Variants in B4GALT4 observed in about 807,000 individuals in gnomAD.
B4GALT4 encodes the protein beta-1,4-galactosyltransferase 4.
Under a neutral mutation model 37.3 loss-of-function variants are expected in B4GALT4, and 27 were observed. That is an observed-to-expected ratio of 0.72 (90% CI 0.53 to 1.00). B4GALT4 has a LOEUF of 1.00. Ranked by LOEUF, B4GALT4 falls within the 50% of genes least tolerant of loss-of-function variation. B4GALT4 has a pLI of 0.00. For synonymous variants in B4GALT4, 148 were observed against 154.1 expected (o/e 0.96, Z 0.29); for missense variants, 372 against 413.1 (o/e 0.90, Z 0.86).
intron 5 of B4GALT4, among the ~76,000 whole-genome samples, chr3:119,219,438 C>G (rs1183907415): frequency 6.6e-6 from 1 of 152,224 alleles, no homozygotes; most frequent in Non-Finnish European, 1.5e-5. Context: ...AAAGGAAGGA[C>G]AGTGAATCAT....
intron 2 of B4GALT4, among the ~76,000 whole-genome samples, chr3:119,230,910 CAGAA>C (rs762007660): frequency 3.3e-5 from 5 of 152,200 alleles, no homozygotes; most frequent in African/African-American, 7.2e-5. Flanking sequence ...TGGACTTAGA[CAGAA>C]ACTACAGCTC....
At chr3:119,226,600 C>G in intron 4 of B4GALT4, 1 of 569,806 alleles carries the variant, frequency 1.8e-6, no homozygotes. Flanking sequence ...CCTTTAAGGG[C>G]AGTAAAATTT....
rs144343834 is a variant in B4GALT4, at chr3:119,218,194, G to A, written c.797+456C>T. 1.1e-3 allele frequency among the ~76,000 whole-genome samples: 167 copies of A among 152,290 alleles called. 4 individuals carry two copies. In the East Asian group the frequency reaches 0.019, roughly 17 times the overall value. The stretch of plus-strand genomic sequence containing the variant: ...TGCAGGGCTGCCAGGGCTGCCTAAC[G>A]CTTGAGGAGAGGACCTCTTTGCCTG... On this transcript the variant is annotated intron_variant, in intron 6 of 7. Coordinates refer to ENST00000393765, the MANE Select transcript of B4GALT4 (RefSeq NM_003778.4).
chr3:119,214,831 T>C (rs1034901555), intron 7 of B4GALT4: 46 of 152,188 alleles, frequency 3.0e-4, no homozygotes, highest in African/African-American at 1.1e-3. Flanking sequence ...AAATCAAGCA[T>C]CAATGACTGC....
At chr3:119,233,618 C>A (rs2078892988) in intron 2 of B4GALT4, among the ~76,000 whole-genome samples, 1 of 151,816 alleles carries the variant, frequency 6.6e-6, no homozygotes, top group Non-Finnish European at 1.5e-5. Flanking sequence ...TTTAAAAAAA[C>A]AAAAACAAAA....
Position 119,212,641 on chromosome 3 carries a change from C to T in B4GALT4, c.943G>A (p.Asp315Asn). The T allele has an allele frequency of 6.2e-7, 1 of 1,612,502 alleles. No individual in the cohort carries two copies. Among genetic ancestry groups the T allele is most frequent in the Non-Finnish European group, 8.5e-7 (1 of 1,179,424 alleles). Residue 315 changes from aspartate to asparagine, a missense_variant, in exon 8 of 8, where the codon GAT becomes AAT. Asp to Asn is a conservative substitution (Grantham distance 23, BLOSUM62 1). Transcript: ENST00000393765. ...LHQVSRVWRT[D>N]GLSSCSYKLV... ...TTATAAGAACAACTACTCAACCCAT[C>T]TGTTCTCCAGACTCGTGACACTTGG...
rs192991616 is a variant in B4GALT4 at position 119,226,759 on chromosome 3, G to C, written c.486+50C>G. 23 of 1,502,998 alleles carry C rather than the reference G, an allele frequency of 1.5e-5. No homozygotes were observed. The East Asian group carries it at 4.9e-4, about 32-fold the overall frequency. 93.1% of individuals were successfully genotyped at this position (1,502,998 alleles called of 1,614,324 possible). ...ACAAACAGTCACATGGCCAAGTCTG[G>C]CAGAGAAGAGGAGGGTCGAGGGCAG... On this transcript the variant is annotated intron_variant, in intron 4 of 7. Coordinates refer to ENST00000393765, the MANE Select transcript of B4GALT4 (RefSeq NM_003778.4).
chr3:119,231,872 T>C (rs911579881), intron 2 of B4GALT4, among the ~76,000 whole-genome samples: 7 of 148,236 alleles, frequency 4.7e-5, no homozygotes, highest in Non-Finnish European at 1.0e-4. Context: ...TATAAATGTA[T>C]ATATTTTTGT....
Position 119,212,584 on chromosome 3 carries a change from T to G in B4GALT4, c.1000A>C (p.Ile334Leu). ...LVSVEHNPLY[I>L]NITVDFWFGA ...AACCAGAAATCCACTGTGATGTTGA[T>G]ATATAAAGGATTGTGTTCCACAGAT... Residue 334 changes from isoleucine to leucine, a missense_variant, in exon 8 of 8, where the codon ATC becomes CTC. Physicochemically the swap from Ile to Leu is conservative, Grantham distance 5. Transcript: ENST00000393765. The G allele has an allele frequency of 1.2e-6, 2 of 1,610,586 alleles. No homozygotes were observed. The highest frequency in any genetic ancestry group is 1.7e-6 in the Non-Finnish European group (2 of 1,178,998).
intron 7 of B4GALT4, chr3:119,215,061 T>C (rs1048178879): frequency 1.3e-5 from 2 of 152,176 alleles, no homozygotes; most frequent in South Asian, 2.1e-4. Flanking sequence ...GAAATCCCAG[T>C]GTGATGGTTA....
chr3:119,221,928 T>A (rs562791032), intron 5 of B4GALT4, among the ~76,000 whole-genome samples: 1 of 152,208 alleles, frequency 6.6e-6, no homozygotes, highest in Non-Finnish European at 1.5e-5. Context: ...GTCATACATA[T>A]GCTGTTTCTC....
chr3:119,240,307 T>TG, intron 1 of B4GALT4: 1 of 152,172 alleles, frequency 6.6e-6, no homozygotes, highest in South Asian at 2.1e-4. Context: ...GGGATACAGA[T>TG]CAACAAACAC....
At chr3:119,226,751 C>A in intron 4 of B4GALT4, 58 bp downstream of exon 4, 1 of 1,460,982 alleles carries the variant, frequency 6.8e-7, no homozygotes, top group South Asian at 1.2e-5. Context: ...GTCACATGGC[C>A]AAGTCTGGCA....
chr3:119,227,024 T>C lies in B4GALT4; in HGVS notation c.271A>G (p.Ile91Val), dbSNP rs748452432. Residue 91 changes from isoleucine to valine, a missense_variant, in exon 4 of 8, where the codon ATT becomes GTT. Ile to Val is a conservative substitution (Grantham distance 29). Transcript: ENST00000393765. ...TCCAAAGTGAGATCTGGTTTGAAAA[T>C]GAGCTTGCTCTGGCCTCCTACAATG... is the stretch of plus-strand genomic sequence containing the variant. The part of the protein sequence containing the change: ...SPYLRGQSKL[I>V]FKPDLTLEEV... The C allele has an allele frequency of 1.1e-5, 17 of 1,614,060 alleles. 1 individual carries two copies. The South Asian group carries it at 1.5e-4, about 15-fold the overall frequency.
At position 119,218,879 on chromosome 3, in the gene B4GALT4, C is replaced by A. The variant is rs748683295; in HGVS notation, c.675-107G>T. On this transcript the variant is annotated intron_variant, in intron 5 of 7. Coordinates refer to ENST00000393765, the MANE Select transcript of B4GALT4 (RefSeq NM_003778.4). ...CTGGGAGACCATGTACTTCCACCCA[C>A]CCACTCCTGCTTCTCCTGCTTGACA... The A allele has an allele frequency of 2.6e-4, 347 of 1,341,660 alleles. 2 individuals are homozygous for A. Among genetic ancestry groups the A allele is most frequent in the Middle Eastern group, 9.4e-4 (5 of 5,336 alleles). The allele number at this position is 1,341,660 out of a possible 1,614,324, so 83.1% of individuals were successfully genotyped here.
At chr3:119,223,274 CT>C (rs1305255233) in intron 5 of B4GALT4, among the ~76,000 whole-genome samples, 1 of 152,258 alleles carries the variant, frequency 6.6e-6, no homozygotes, top group Non-Finnish European at 1.5e-5. Flanking sequence ...TCAAACTGGT[CT>C]TATGGCCTCC....
At chr3:119,220,197 T>C (rs2078408727) in intron 5 of B4GALT4, among the ~76,000 whole-genome samples, 1 of 152,226 alleles carries the variant, frequency 6.6e-6, no homozygotes. Flanking sequence ...AATAAAGTGC[T>C]TAGAAGGTAA....
At chr3:119,213,100 A>C (rs2078204134) in intron 7 of B4GALT4, 1 of 153,356 alleles carries the variant, frequency 6.5e-6, no homozygotes, top group Non-Finnish European at 1.5e-5. Flanking sequence ...AAAAAATTAG[A>C]ATGTATGTAG....
Position 119,212,432 on chromosome 3 carries a change from T to C in B4GALT4, c.*117A>G. The C allele has an allele frequency of 6.5e-6, 7 of 1,068,722 alleles. No homozygotes were observed. The highest frequency in any genetic ancestry group is 9.4e-6 in the Non-Finnish European group (7 of 743,414). The allele number at this position is 1,068,722 out of a possible 1,614,324, so 66.2% of individuals were successfully genotyped here. A position where few individuals can be genotyped will look rare whatever the true frequency, so the allele number is the denominator to read the frequency against. ...CTAAGAAAATACAAAAAGGAAAAATTCAGCTCAACAATGAGCTGTAACAGG... is the reference window on the plus strand; with the variant it reads ...CTAAGAAAATACAAAAAGGAAAAATCCAGCTCAACAATGAGCTGTAACAGG... On this transcript the variant is annotated 3_prime_UTR_variant, in exon 8 of 8. Coordinates refer to ENST00000393765, the MANE Select transcript of B4GALT4 (RefSeq NM_003778.4).
Sources: gnomAD v4.1 joint callset for allele counts (sites outside exome capture counted in the v4.1 genomes callset) on GRCh38, gnomAD v4.1.1 for gene constraint, MANE v1.5 for transcripts, NCBI Gene and HGNC (gene_info 2026-07-23, HGNC 2026-07-21) for gene names.